Variants in CDC42BPB observed in about 807,000 individuals in gnomAD.
The protein encoded by CDC42BPB is CDC42 binding protein kinase beta.
A neutral mutation model predicts 214.9 loss-of-function variants in CDC42BPB; 37 were observed. The ratio of observed to expected loss-of-function variants is 0.17; its 90% confidence interval spans 0.13 to 0.23. The LOEUF (loss-of-function observed/expected upper bound fraction) is 0.23. Ranked by LOEUF, CDC42BPB falls within the 10% of genes least tolerant of loss-of-function variation. The probability of loss-of-function intolerance (pLI) is 1.00; values close to 1 mark genes in which losing one functional copy is unlikely to be tolerated. For synonymous variants in CDC42BPB, 931 were observed against 884.0 expected (o/e 1.05, Z -0.94); for missense variants, 1,694 against 2,227.0 (o/e 0.76, Z 4.82).
chr14:103,017,566 C>T (rs762254797), intron 1 of CDC42BPB, among the ~76,000 whole-genome samples: 24 of 152,032 alleles, frequency 1.6e-4, no homozygotes, highest in Non-Finnish European at 3.4e-4. Context: ...CCACAGGACA[C>T]GAGGGGGAAA....
intron 1 of CDC42BPB, among the ~76,000 whole-genome samples, chr14:103,056,523 G>A (rs1191506428): frequency 1.3e-5 from 2 of 151,988 alleles, no homozygotes; most frequent in Non-Finnish European, 2.9e-5. Flanking sequence ...GGTGGGGAAA[G>A]GGAACTAATT....
chr14:103,038,877 T>G (rs1254917307), intron 1 of CDC42BPB, among the ~76,000 whole-genome samples: 1 of 152,070 alleles, frequency 6.6e-6, no homozygotes, highest in Non-Finnish European at 1.5e-5. Flanking sequence ...ATTTTAACCG[T>G]TTTTTGAGAT....
chr14:102,968,217 C>T (rs200807480), intron 16 of CDC42BPB, 36 bp downstream of exon 16: 3 of 1,490,998 alleles, frequency 2.0e-6, no homozygotes, highest in South Asian at 2.3e-5. Flanking sequence ...ACAACTTCCA[C>T]ACAAAGTGCT....
chr14:103,011,391 A>G (rs1211127590), intron 2 of CDC42BPB, among the ~76,000 whole-genome samples: 2 of 152,350 alleles, frequency 1.3e-5, no homozygotes, highest in East Asian at 3.9e-4. Flanking sequence ...TGTGTTTTTT[A>G]GAAAATGCCA....
chr14:102,966,307 C>T lies in CDC42BPB; in HGVS notation c.2552G>A (p.Ser851Asn), dbSNP rs1226118771. The T allele has an allele frequency of 6.2e-7, 1 of 1,614,022 alleles. No homozygotes were observed. The highest frequency in any genetic ancestry group is 1.7e-5 in the Admixed American group (1 of 60,034). Residue 851 changes from serine to asparagine, a missense_variant, in exon 18 of 37, where the codon AGT becomes AAT. Ser to Asn is a conservative substitution (Grantham distance 46, BLOSUM62 1). This residue lies in a region of CDC42BPB where 55 missense variants were observed against 95.5 expected (regional missense o/e 0.58). Transcript: ENST00000361246. ...KMTEELEALR[S>N]SSLGSRTLDP... is the part of the protein sequence containing the mutation. Reference sequence around the variant, plus strand: ...CAGTGTTCTTGACCCCAGACTAGAACTCCTCAAAGCCTCGAGCTCTTCGGT... The same window carrying T: ...CAGTGTTCTTGACCCCAGACTAGAATTCCTCAAAGCCTCGAGCTCTTCGGT...
In CDC42BPB at chr14:102,968,371, G is replaced by C. The variant is rs1403813625; in HGVS notation, c.2241-13C>G. On this transcript the variant is annotated splice_polypyrimidine_tract_variant and intron_variant, in intron 15 of 36. Transcript: ENST00000361246. ...CATCTCGTTATGCCTGCCAAGGTGA[G>C]CGAGAAACAGTTTTAAAAGCTCGTA... 6.2e-7 allele frequency: 1 copy of C among 1,613,206 alleles called. No individual in the cohort carries two copies. Among genetic ancestry groups the C allele is most frequent in the Non-Finnish European group, 8.5e-7 (1 of 1,179,664 alleles).
In CDC42BPB at chr14:102,959,453, C is replaced by T. The variant is rs548309701; in HGVS notation, c.2901+178G>A. ...TACCCTAAATGTCTGTCACCTGATG[C>T]GTTTAATGTGGGTTGATTACATGTG... On this transcript the variant is annotated intron_variant, in intron 21 of 36. Coordinates refer to ENST00000361246, the MANE Select transcript of CDC42BPB (RefSeq NM_006035.4). Among the ~76,000 whole-genome samples the T allele has an allele frequency of 1.1e-4, 16 of 152,214 alleles. No homozygotes were observed. In the East Asian group the frequency reaches 1.4e-3, roughly 13 times the overall value.
In CDC42BPB at chr14:102,944,668, C is replaced by T. The variant is rs1043717254; in HGVS notation, c.3812-181G>A. The stretch of plus-strand genomic sequence containing the variant: ...CTGCCCACAGAGCCAGTGGCTTGAA[C>T]GCCCCCCGGAGAAGCTGCCCCACAT... On this transcript the variant is annotated intron_variant, in intron 29 of 36. Coordinates refer to ENST00000361246, the MANE Select transcript of CDC42BPB (RefSeq NM_006035.4). This position sits in a 1 kb window ranked among gnomAD's most constrained non-coding sequence, Gnocchi z 6.6. 2.9e-5 allele frequency: 29 copies of T among 985,306 alleles called. No individual in the cohort carries two copies. Among genetic ancestry groups the T allele is most frequent in the Admixed American group, 1.2e-4 (2 of 16,288 alleles). The allele number at this position is 985,306 out of a possible 1,614,324, so 61.0% of individuals were successfully genotyped here. A position where few individuals can be genotyped will look rare whatever the true frequency, so the allele number is the denominator to read the frequency against.
rs551547055 is a variant in CDC42BPB, at chr14:102,940,345, C to G, written c.4409-21G>C. The G allele has an allele frequency of 5.8e-6, 9 of 1,554,004 alleles. No homozygotes were observed. In the East Asian group the frequency reaches 1.7e-4, roughly 29 times the overall value. On this transcript the variant is annotated intron_variant, in intron 30 of 36. Coordinates refer to ENST00000361246, the MANE Select transcript of CDC42BPB (RefSeq NM_006035.4). ...GCAACCTAGCGCAGACGGAGCAGGG[C>G]GGGGTGAGCCACAGTGGCTCAGGAA...
intron 1 of CDC42BPB, among the ~76,000 whole-genome samples, chr14:103,023,651 G>T (rs1886889277): frequency 6.6e-6 from 1 of 151,752 alleles, no homozygotes; most frequent in Admixed American, 6.6e-5. Flanking sequence ...TTACTCACTG[G>T]TTTTTCTTAA....
intron 5 of CDC42BPB, among the ~76,000 whole-genome samples, chr14:102,990,046 T>C (rs1246076304): frequency 6.6e-6 from 1 of 151,008 alleles, no homozygotes; most frequent in Non-Finnish European, 1.5e-5. Flanking sequence ...CCAGCGGAGG[T>C]GGGCAGGATA....
chr14:102,965,045 C>G (rs1231786379), intron 18 of CDC42BPB, among the ~76,000 whole-genome samples: 4 of 152,116 alleles, frequency 2.6e-5, no homozygotes, highest in Non-Finnish European at 5.9e-5. Context: ...CCTGTCTCAG[C>G]CTCTCCAGTA....
At position 103,029,444 on chromosome 14, in the gene CDC42BPB, G is replaced by C. The variant is rs34409583; in HGVS notation, c.176-17256C>G. On this transcript the variant is annotated intron_variant, in intron 1 of 36. Transcript: ENST00000361246. Reference sequence around the variant, plus strand: ...TGTAATCCCAGCTACTGAGGAGGCTGAGGCAGGAGAATGGCATGAACCTGG... The same window carrying C: ...TGTAATCCCAGCTACTGAGGAGGCTCAGGCAGGAGAATGGCATGAACCTGG... Among the ~76,000 whole-genome samples the C allele has an allele frequency of 7.5e-3, 1,146 of 151,990 alleles. 23 individuals are homozygous for C. The highest frequency in any genetic ancestry group is 0.026 in the African/African-American group (1,085 of 41,440).
chr14:102,969,344 C>G (rs1182577653), intron 14 of CDC42BPB, among the ~76,000 whole-genome samples: 1 of 152,054 alleles, frequency 6.6e-6, no homozygotes, highest in African/African-American at 2.4e-5. Flanking sequence ...AGGAGGGTAG[C>G]TGCTGGACAG....
At chr14:102,936,134 C>T (rs1160238892) in intron 36 of CDC42BPB, among the ~76,000 whole-genome samples, 1 of 152,118 alleles carries the variant, frequency 6.6e-6, no homozygotes, top group African/African-American at 2.4e-5. Context: ...ATATGAGAAC[C>T]CTCACATTGC....
intron 5 of CDC42BPB, among the ~76,000 whole-genome samples, chr14:102,990,715 C>T (rs559202030): frequency 1.4e-4 from 21 of 152,144 alleles, no homozygotes; most frequent in Non-Finnish European, 2.5e-4. Context: ...TGAGAAACAA[C>T]GGAGTGGGGA....
rs868125129 is a variant in CDC42BPB at position 103,015,582 on chromosome 14, G to A, written c.176-3394C>T. Among the ~76,000 whole-genome samples, 6 of 152,294 alleles carry A rather than the reference G, an allele frequency of 3.9e-5. No homozygotes were observed. In the Middle Eastern group the frequency reaches 0.01, roughly 261 times the overall value. ...AGCAGAGCACCCTGCTAACCACACA[G>A]GTACTGAGAGCAGGGGACAGAACAT... On this transcript the variant is annotated intron_variant, in intron 1 of 36. Transcript: ENST00000361246.
rs200665860 is a variant in CDC42BPB, at chr14:102,954,593, C to T, written c.2988+9G>A. 3.2e-5 allele frequency: 52 copies of T among 1,610,672 alleles called. No individual in the cohort carries two copies. The highest frequency in any genetic ancestry group is 3.3e-5 in the Admixed American group (2 of 59,936). ...AGGTGGGAGCATCACCAGGGCAACG[C>T]TGTCTCACCTCCTGCTGCTCTGATG... is the stretch of plus-strand genomic sequence containing the variant. On this transcript the variant is annotated intron_variant, in intron 22 of 36. Transcript: ENST00000361246.
Position 102,970,277 on chromosome 14 carries a change from C to A in CDC42BPB, c.1885-16G>T. 6.2e-7 allele frequency: 1 copy of A among 1,603,002 alleles called. No homozygotes were observed. Among genetic ancestry groups the A allele is most frequent in the Admixed American group, 1.7e-5 (1 of 59,000 alleles). On this transcript the variant is annotated splice_polypyrimidine_tract_variant and intron_variant, in intron 13 of 36. Coordinates refer to ENST00000361246, the MANE Select transcript of CDC42BPB (RefSeq NM_006035.4). Reference sequence around the variant, plus strand: ...GAGCTTCCAGCTACAAAAGGAAGATCCAGTTTCTATTAACAAAAAGCGAGC... The same window carrying A: ...GAGCTTCCAGCTACAAAAGGAAGATACAGTTTCTATTAACAAAAAGCGAGC...
Sources: gnomAD v4.1 joint callset for allele counts (sites outside exome capture counted in the v4.1 genomes callset) on GRCh38, gnomAD v4.1.1 for gene constraint, gnomAD v4.1.1 regional missense constraint, Gnocchi (gnomAD v3.1) non-coding constraint, MANE v1.5 for transcripts, NCBI Gene and HGNC (gene_info 2026-07-23, HGNC 2026-07-21) for gene names.